Variants in PITPNM2 observed in about 807,000 individuals in gnomAD.
PITPNM2 encodes the protein membrane-associated phosphatidylinositol transfer protein 2.
In PITPNM2, 35 loss-of-function variants were observed where a neutral mutation model predicts 132.2. That is an observed-to-expected ratio of 0.26 (90% CI 0.20 to 0.35). PITPNM2 has a LOEUF of 0.35. Ranked by LOEUF, PITPNM2 falls within the 10% of genes least tolerant of loss-of-function variation. The probability of loss-of-function intolerance (pLI) is 1.00; values close to 1 mark genes in which losing one functional copy is unlikely to be tolerated. For synonymous variants in PITPNM2, 738 were observed against 799.2 expected (o/e 0.92, Z 1.29); for missense variants, 1,332 against 1,912.0 (o/e 0.70, Z 5.66).
intron 2 of PITPNM2, among the ~76,000 whole-genome samples, chr12:123,048,483 G>T (rs1472151368): frequency 6.6e-6 from 1 of 151,968 alleles, no homozygotes; most frequent in Non-Finnish European, 1.5e-5. Context: ...CGCAATCTCG[G>T]CTCACTGCAA....
intron 1 of PITPNM2, among the ~76,000 whole-genome samples, chr12:123,121,328 C>T (rs986266115): frequency 6.6e-6 from 1 of 152,234 alleles, no homozygotes; most frequent in Non-Finnish European, 1.5e-5. Flanking sequence ...AGGACATGAT[C>T]ATGCCCTCCA....
At chr12:123,123,099 T>G (rs2043063379) in intron 1 of PITPNM2, among the ~76,000 whole-genome samples, 2 of 152,350 alleles carry the variant, frequency 1.3e-5, no homozygotes, top group South Asian at 2.1e-4. Context: ...TACAGCACTG[T>G]TTGCTTCCCA....
intron 2 of PITPNM2, among the ~76,000 whole-genome samples, chr12:123,068,915 C>T (rs1393729877): frequency 6.6e-6 from 1 of 152,154 alleles, no homozygotes; most frequent in Non-Finnish European, 1.5e-5. Flanking sequence ...AACTGAAGTA[C>T]AGGGATGAGC....
intron 12 of PITPNM2, 66 bp from the exon 13 acceptor site, chr12:122,996,643 C>T (rs761420699): frequency 1.6e-4 from 254 of 1,611,110 alleles, no homozygotes; most frequent in Non-Finnish European, 1.9e-4. Flanking sequence ...CTGGGGAGGC[C>T]GTCACCTTCC....
chr12:123,133,644 C>T (rs2043311190), intron 1 of PITPNM2, among the ~76,000 whole-genome samples: 1 of 152,152 alleles, frequency 6.6e-6, no homozygotes, highest in Non-Finnish European at 1.5e-5. Context: ...TTGGAAAGGA[C>T]TAGAATACTT....
intron 2 of PITPNM2, among the ~76,000 whole-genome samples, chr12:123,061,815 C>G (rs1013268138): frequency 3.3e-5 from 5 of 152,120 alleles, no homozygotes; most frequent in African/African-American, 4.8e-5. Context: ...AGAGTTTGGA[C>G]AAAGTTATGC....
intron 1 of PITPNM2, among the ~76,000 whole-genome samples, chr12:123,120,428 G>T (rs2043012750): frequency 6.6e-6 from 1 of 152,188 alleles, no homozygotes; most frequent in Non-Finnish European, 1.5e-5. Flanking sequence ...GAGTTCCTTG[G>T]TCTTCTATAG....
At position 123,028,973 on chromosome 12, in the gene PITPNM2, G is replaced by A. The variant is rs1389735844; in HGVS notation, c.78+5540C>T. Among the ~76,000 whole-genome samples, 5 of 152,154 alleles carry A rather than the reference G, an allele frequency of 3.3e-5. No individual in the cohort carries two copies. The East Asian group carries it at 5.8e-4, about 18-fold the overall frequency. On this transcript the variant is annotated intron_variant, in intron 3 of 25. Transcript: ENST00000320201. ...AGGTAGTGCCTTGGGTCTCCAAGTC[G>A]GGGTGGCCTGAACCTCTCCCCTCCT... is the stretch of plus-strand genomic sequence containing the variant.
chr12:123,000,492 G>C lies in PITPNM2; in HGVS notation c.1224+286C>G. 1.4e-6 allele frequency: 1 copy of C among 702,298 alleles called. No homozygotes were observed. The highest frequency in any genetic ancestry group is 2.6e-6 in the Non-Finnish European group (1 of 384,666). The allele number at this position is 702,298 out of a possible 1,614,324, so 43.5% of individuals were successfully genotyped here. ...CTTATTTTTGATCTGGAATTTACAA[G>C]TTTCTCATTTTACTTTCCCATGGGT... On this transcript the variant is annotated intron_variant, in intron 10 of 25. Transcript: ENST00000320201. This position sits in a 1 kb window ranked among gnomAD's most constrained non-coding sequence, Gnocchi z 5.4.
chr12:123,047,551 A>C (rs1399878120), intron 2 of PITPNM2, among the ~76,000 whole-genome samples: 1 of 152,170 alleles, frequency 6.6e-6, no homozygotes, highest in Non-Finnish European at 1.5e-5. Flanking sequence ...TAAAGTCTTT[A>C]ATATTGTCAT....
chr12:123,067,830 A>G (rs1198518447), intron 2 of PITPNM2, among the ~76,000 whole-genome samples: 1 of 152,174 alleles, frequency 6.6e-6, no homozygotes, highest in East Asian at 1.9e-4. Context: ...CTGACCACAT[A>G]TAGGTCAGCT....
intron 1 of PITPNM2, among the ~76,000 whole-genome samples, chr12:123,134,211 G>A (rs1375173456): frequency 2.0e-5 from 3 of 152,030 alleles, no homozygotes; most frequent in East Asian, 1.9e-4. Context: ...CTACAGACGC[G>A]TGCCACCACG....
intron 18 of PITPNM2, among the ~76,000 whole-genome samples, chr12:122,989,394 T>C (rs1427450798): frequency 6.6e-6 from 1 of 152,172 alleles, no homozygotes; most frequent in Non-Finnish European, 1.5e-5. Flanking sequence ...TGGATGGTCC[T>C]GGGTGCATCT....
chr12:123,033,610 C>T (rs987204308), intron 3 of PITPNM2, among the ~76,000 whole-genome samples: 1 of 152,162 alleles, frequency 6.6e-6, no homozygotes, highest in African/African-American at 2.4e-5. Context: ...AAGCATGGAG[C>T]TGGGAGCTAG....
chr12:123,051,973 G>A (rs1172499867), intron 2 of PITPNM2, among the ~76,000 whole-genome samples: 1 of 151,296 alleles, frequency 6.6e-6, no homozygotes, highest in Non-Finnish European at 1.5e-5. Flanking sequence ...CGCCATCTCG[G>A]CTCATTGCAA....
intron 1 of PITPNM2, among the ~76,000 whole-genome samples, chr12:123,140,029 G>A (rs2137647967): frequency 1.3e-5 from 2 of 152,308 alleles, no homozygotes; most frequent in South Asian, 4.1e-4. Context: ...AGGCTGGCTG[G>A]GACACCCAGG....
chr12:122,988,053 T>C, intron 20 of PITPNM2, 152 bp from the exon 21 acceptor site: 1 of 932,226 alleles, frequency 1.1e-6, no homozygotes, highest in South Asian at 1.5e-5. Context: ...GACGTGGCTT[T>C]GGAGAAACTA....
intron 2 of PITPNM2, among the ~76,000 whole-genome samples, chr12:123,065,629 G>C (rs2041386037): frequency 6.6e-6 from 1 of 152,242 alleles, no homozygotes; most frequent in Admixed American, 6.5e-5. Context: ...ACTTGCAGGA[G>C]GCCAGCAAGC....
rs1269921714 is a variant in PITPNM2, at chr12:123,083,749, A to C, written c.-96+26636T>G. ...AATTTGGCCAACAGAGCCTGAAGCC[A>C]GCACATCGTGGAGGGGCAGCAGCCT... On this transcript the variant is annotated intron_variant, in intron 2 of 25. Coordinates refer to ENST00000320201, the MANE Select transcript of PITPNM2 (RefSeq NM_020845.3). The surrounding 1 kb of genome is among the most constrained non-coding windows in gnomAD (Gnocchi z 4.5). 1 of 152,602 alleles carries C rather than the reference A, an allele frequency of 6.6e-6. No homozygotes were observed. Among genetic ancestry groups the C allele is most frequent in the Non-Finnish European group, 1.5e-5 (1 of 68,294 alleles). The allele number at this position is 152,602 out of a possible 1,614,324, so 9.5% of individuals were successfully genotyped here.
Sources: gnomAD v4.1 joint callset for allele counts (sites outside exome capture counted in the v4.1 genomes callset) on GRCh38, gnomAD v4.1.1 for gene constraint, Gnocchi (gnomAD v3.1) non-coding constraint, MANE v1.5 for transcripts, NCBI Gene and HGNC (gene_info 2026-07-23, HGNC 2026-07-21) for gene names.